The following PTPRM variants were observed in gnomAD, a reference collection of about 807,000 sequenced individuals.
The protein encoded by PTPRM is receptor-type tyrosine-protein phosphatase mu.
In PTPRM, 47 loss-of-function variants were observed where a neutral mutation model predicts 186.7. That is an observed-to-expected ratio of 0.25 (90% CI 0.20 to 0.32). The LOEUF is 0.32. Among genes scored for constraint, PTPRM ranks in the 10% least tolerant of loss-of-function variants. The pLI, the probability that PTPRM is intolerant of heterozygous loss-of-function variation, is 1.00. For synonymous variants in PTPRM, 668 were observed against 674.9 expected (o/e 0.99, Z 0.16); for missense variants, 1,494 against 1,865.0 (o/e 0.80, Z 3.66).
chr18:8,309,735 T>C (rs59976394), intron 20 of PTPRM, among the ~76,000 whole-genome samples: 4,972 of 152,254 alleles, frequency 0.033, 287 homozygotes, highest in African/African-American at 0.11. Flanking sequence ...AAAAATGTCA[T>C]GTTGCCCAGG....
intron 7 of PTPRM, among the ~76,000 whole-genome samples, chr18:8,023,393 G>C (rs555907201): frequency 6.6e-6 from 1 of 152,242 alleles, no homozygotes; most frequent in East Asian, 1.9e-4. Context: ...ATGGAGGAGA[G>C]ATATATAGGC....
In PTPRM at chr18:7,758,089, CT is replaced by C. The variant is rs142478171; in HGVS notation, c.74-16059del. Among the ~76,000 whole-genome samples, 766 of 152,284 alleles carry C rather than the reference CT, an allele frequency of 5.0e-3. 4 individuals carry two copies. Among genetic ancestry groups the C allele is most frequent in the African/African-American group, 0.018 (737 of 41,562 alleles). On this transcript the variant is annotated intron_variant, in intron 1 of 32. Coordinates refer to ENST00000580170, the MANE Select transcript of PTPRM (RefSeq NM_001105244.2). ...CTGATTCCGTAAATCTAGAACGGGA[CT>C]CAATATTCATGTGTTAGTAATTTAT... is the stretch of plus-strand genomic sequence containing the variant.
intron 2 of PTPRM, among the ~76,000 whole-genome samples, chr18:7,831,268 C>T (rs1025157856): frequency 1.3e-5 from 2 of 151,988 alleles, no homozygotes; most frequent in Admixed American, 6.6e-5. Flanking sequence ...AGCAACTCTG[C>T]CTTTCTTATC....
intron 2 of PTPRM, among the ~76,000 whole-genome samples, chr18:7,881,477 T>C (rs1263648827): frequency 6.6e-6 from 1 of 152,198 alleles, no homozygotes; most frequent in Non-Finnish European, 1.5e-5. Context: ...TATTTCGTAC[T>C]GAGTTAGTCA....
intron 5 of PTPRM, among the ~76,000 whole-genome samples, chr18:7,943,118 G>A (rs2052297477): frequency 6.6e-6 from 1 of 152,070 alleles, no homozygotes; most frequent in Non-Finnish European, 1.5e-5. Context: ...TGCCCTGCCT[G>A]GTCCTTTCTT....
At chr18:7,944,396 C>T (rs1038317982) in intron 5 of PTPRM, among the ~76,000 whole-genome samples, 3 of 152,146 alleles carry the variant, frequency 2.0e-5, no homozygotes, top group African/African-American at 4.8e-5. Context: ...ACCCAGTTTC[C>T]CTTGACATCA....
At chr18:8,228,723 T>A (rs760115615) in intron 14 of PTPRM, among the ~76,000 whole-genome samples, 1 of 149,418 alleles carries the variant, frequency 6.7e-6, no homozygotes, top group Non-Finnish European at 1.5e-5. Flanking sequence ...TGTGGTGGCA[T>A]ACGCCTGTAG....
In PTPRM at chr18:7,686,231, G is replaced by C. The variant is rs531556332; in HGVS notation, c.74-87918G>C. ...AGGGATAAATCCATCAAAATGACTCGGGATGCTATTACTAACCAAAGAGAG... is the reference window on the plus strand; with the variant it reads ...AGGGATAAATCCATCAAAATGACTCCGGATGCTATTACTAACCAAAGAGAG... On this transcript the variant is annotated intron_variant, in intron 1 of 32. Coordinates refer to ENST00000580170, the MANE Select transcript of PTPRM (RefSeq NM_001105244.2). Among the ~76,000 whole-genome samples, 58 of 152,246 alleles carry C rather than the reference G, an allele frequency of 3.8e-4. 1 individual carries two copies. Among genetic ancestry groups the C allele is most frequent in the Admixed American group, 1.4e-3 (21 of 15,298 alleles).
chr18:7,961,193 C>A (rs748867374), intron 7 of PTPRM, among the ~76,000 whole-genome samples: 8 of 152,022 alleles, frequency 5.3e-5, no homozygotes, highest in Non-Finnish European at 1.0e-4. Flanking sequence ...CTCTTGTCAC[C>A]CTATTGTGCT....
intron 7 of PTPRM, among the ~76,000 whole-genome samples, chr18:7,992,012 A>T (rs536994323): frequency 6.6e-6 from 1 of 152,254 alleles, no homozygotes; most frequent in East Asian, 1.9e-4. Context: ...ATACATGATA[A>T]GGTAAAGAAA....
intron 20 of PTPRM, among the ~76,000 whole-genome samples, chr18:8,308,805 T>G (rs1022203800): frequency 8.5e-5 from 13 of 152,210 alleles, no homozygotes; most frequent in African/African-American, 2.9e-4. Flanking sequence ...ATTGTTTAAG[T>G]TCATTAAAAT....
intron 2 of PTPRM, among the ~76,000 whole-genome samples, chr18:7,849,897 T>C (rs1265812001): frequency 1.3e-5 from 2 of 152,200 alleles, no homozygotes; most frequent in Non-Finnish European, 2.9e-5. Context: ...ACGTTGACAT[T>C]TATTTTAATA....
intron 20 of PTPRM, among the ~76,000 whole-genome samples, chr18:8,299,893 G>A (rs2095137678): frequency 6.6e-6 from 1 of 152,164 alleles, no homozygotes; most frequent in Non-Finnish European, 1.5e-5. Context: ...GTTTAGTGAA[G>A]AACAGATTCC....
At chr18:8,337,779 C>T (rs756700171) in intron 22 of PTPRM, among the ~76,000 whole-genome samples, 11 of 152,156 alleles carry the variant, frequency 7.2e-5, no homozygotes, top group African/African-American at 9.6e-5. Flanking sequence ...TGCGGGAGGA[C>T]GCTGGGAAGG....
At chr18:7,831,438 G>A (rs1007474878) in intron 2 of PTPRM, among the ~76,000 whole-genome samples, 8 of 151,658 alleles carry the variant, frequency 5.3e-5, no homozygotes, top group Non-Finnish European at 1.0e-4. Context: ...AATCATTTTT[G>A]TTGTTCATAA....
At chr18:7,715,044 G>A (rs902834072) in intron 1 of PTPRM, among the ~76,000 whole-genome samples, 1 of 152,154 alleles carries the variant, frequency 6.6e-6, no homozygotes, top group South Asian at 2.1e-4. Context: ...ATCTGGCAGA[G>A]ACACAACCAA....
intron 14 of PTPRM, among the ~76,000 whole-genome samples, chr18:8,164,681 G>T (rs564796343): frequency 2.0e-5 from 3 of 152,314 alleles, no homozygotes; most frequent in East Asian, 3.9e-4. Flanking sequence ...TATGGTAGCT[G>T]CCAGGGGCTT....
chr18:8,274,258 A>C (rs2094807581), intron 19 of PTPRM, among the ~76,000 whole-genome samples: 1 of 152,226 alleles, frequency 6.6e-6, no homozygotes, highest in Non-Finnish European at 1.5e-5. Flanking sequence ...GCCATTTTAA[A>C]GAACCTCAGA....
Position 7,774,209 on chromosome 18 carries a change from A to T in PTPRM, c.134A>T (p.Asp45Val). Reference sequence around the variant, plus strand: ...GGATATAGTCAATCTGAAGGTGATGACTTCAATTGGGAGCAAGTGAACACC... The same window carrying T: ...GGATATAGTCAATCTGAAGGTGATGTCTTCAATTGGGAGCAAGTGAACACC... ...TCGYSQSEGD[D>V]FNWEQVNTLT... Residue 45 changes from aspartate (D) to valine (V), a missense_variant, in exon 2 of 33, where the codon GAC (aspartate) becomes GTC (valine). Around this residue, in one of 3 missense-constraint regions of PTPRM, gnomAD observed 296 missense variants for 345.5 expected, o/e 0.86. Transcript: ENST00000580170. 6.2e-7 allele frequency: 1 copy of T among 1,613,482 alleles called. No homozygotes were observed. The highest frequency in any genetic ancestry group is 8.5e-7 in the Non-Finnish European group (1 of 1,179,382).
Sources: allele counts gnomAD v4.1 joint callset (sites outside exome capture counted in the v4.1 genomes callset), GRCh38; gene constraint gnomAD v4.1.1; regional missense constraint gnomAD v4.1.1; transcripts MANE v1.5; gene names NCBI Gene and HGNC (gene_info 2026-07-23, HGNC 2026-07-21).